Variants in ELP2 observed in about 807,000 individuals in gnomAD.
ELP2 encodes elongator complex protein 2.
Under a neutral mutation model 119.2 loss-of-function variants are expected in ELP2, and 90 were observed. The observed-to-expected ratio is 0.75, with a 90% CI of 0.64 to 0.90. The LOEUF (loss-of-function observed/expected upper bound fraction) is 0.90. Ranked by LOEUF, ELP2 falls within the 40% of genes least tolerant of loss-of-function variation. The pLI, the probability that ELP2 is intolerant of heterozygous loss-of-function variation, is 0.00. For missense variants in ELP2, 921 were observed against 967.8 expected (o/e 0.95, Z 0.64); for synonymous variants, 339 against 331.0 (o/e 1.02, Z -0.26).
chr18:36,146,116 A>T, intron 10 of ELP2, 68 bp downstream of exon 10: 1 of 1,575,248 alleles, frequency 6.3e-7, no homozygotes, highest in Non-Finnish European at 8.7e-7. Flanking sequence ...TCCCAAGTCT[A>T]TATTGATAGA....
At chr18:36,169,442 A>C (rs1481500071) in intron 19 of ELP2, among the ~76,000 whole-genome samples, 1 of 149,584 alleles carries the variant, frequency 6.7e-6, no homozygotes, top group Non-Finnish European at 1.5e-5. Context: ...GCTGGAGTGC[A>C]GTGGCACGAT....
At chr18:36,148,564 A>T (rs1290496126) in intron 11 of ELP2, among the ~76,000 whole-genome samples, 1 of 152,178 alleles carries the variant, frequency 6.6e-6, no homozygotes, top group Admixed American at 6.5e-5. Flanking sequence ...GATCCTTTAC[A>T]TCAAAAAATA....
intron 2 of ELP2, among the ~76,000 whole-genome samples, chr18:36,133,911 T>G (rs1433946403): frequency 3.7e-4 from 47 of 128,500 alleles, no homozygotes; most frequent in Non-Finnish European, 5.2e-4. Flanking sequence ...TTTTTTTTTT[T>G]TTTTTTTTTT....
At chr18:36,142,164 A>G in intron 6 of ELP2, 117 bp from the exon 7 acceptor site, 2 of 835,198 alleles carry the variant, frequency 2.4e-6, no homozygotes, top group South Asian at 1.4e-5. Context: ...TGTCTAATCA[A>G]ATAGTGTTCT....
At chr18:36,142,496 T>G in intron 7 of ELP2, 149 bp downstream of exon 7, 4 of 711,496 alleles carry the variant, frequency 5.6e-6, no homozygotes, top group Non-Finnish European at 7.4e-6. Flanking sequence ...GCTTATCTCT[T>G]CTGTTGTTAG....
intron 19 of ELP2, 197 bp from the exon 20 acceptor site, chr18:36,169,866 G>A (rs187358255): frequency 1.7e-5 from 11 of 658,648 alleles, no homozygotes; most frequent in African/African-American, 7.1e-5. Context: ...TCTCGGAGAC[G>A]CATGTCTGCT....
chr18:36,138,750 C>A, intron 4 of ELP2, 45 bp from the exon 5 acceptor site: 1 of 1,482,226 alleles, frequency 6.7e-7, no homozygotes, highest in Non-Finnish European at 9.4e-7. Flanking sequence ...GTTGGATAAG[C>A]TCTGAGGTAG....
Position 36,179,188 on chromosome 18 carries a change from G to GT in ELP2, c.*4548dup, listed in dbSNP as rs140759339. 12,753 of 151,684 alleles carry GT rather than the reference G, an allele frequency of 0.084. 631 individuals carry two copies. The highest frequency in any genetic ancestry group is 0.14 in the East Asian group (717 of 5,120). The allele number at this position is 151,684 out of a possible 1,614,324, so 9.4% of individuals were successfully genotyped here. A position where few individuals can be genotyped will look rare whatever the true frequency, so the allele number is the denominator to read the frequency against. On this transcript the variant is annotated 3_prime_UTR_variant, in exon 22 of 22. Transcript: ENST00000358232. The stretch of plus-strand genomic sequence containing the variant: ...CAGAGATCTGGGACCCGGGCCGGGC[G>GT]TGGTGGCTCATGCCTGTAATCCCAG...
At chr18:36,150,026 T>C (rs926236094) in intron 11 of ELP2, among the ~76,000 whole-genome samples, 1 of 152,168 alleles carries the variant, frequency 6.6e-6, no homozygotes, top group Non-Finnish European at 1.5e-5. Context: ...GTTGAGCATT[T>C]TCATCTTTCA....
At chr18:36,155,678 A>G (rs2090551238) in intron 12 of ELP2, among the ~76,000 whole-genome samples, 1 of 152,188 alleles carries the variant, frequency 6.6e-6, no homozygotes, top group Non-Finnish European at 1.5e-5. Flanking sequence ...AACTAAGACT[A>G]CAGGTGTGAG....
At chr18:36,160,862 C>T in intron 16 of ELP2, 70 bp from the exon 17 acceptor site, 1 of 1,035,510 alleles carries the variant, frequency 9.7e-7, no homozygotes, top group South Asian at 1.3e-5. Context: ...ATTCTTTTTA[C>T]TTTCAAAAAT....
At chr18:36,165,089 AT>A (rs955122371) in intron 18 of ELP2, 1 of 203,808 alleles carries the variant, frequency 4.9e-6, no homozygotes, top group Admixed American at 5.4e-5. Flanking sequence ...TCTCTGAACT[AT>A]TTTATTAATA....
intron 21 of ELP2, 57 bp downstream of exon 21, chr18:36,171,217 A>G (rs919927192): frequency 7.9e-7 from 1 of 1,261,922 alleles, no homozygotes. Flanking sequence ...GGGGTCTTTC[A>G]TGGCAAATTT....
intron 2 of ELP2, among the ~76,000 whole-genome samples, chr18:36,133,912 TTTTTTTTTTTTTTTTG>T (rs2089732266): frequency 7.7e-6 from 1 of 129,230 alleles, no homozygotes; most frequent in African/African-American, 3.0e-5. Context: ...TTTTTTTTTT[TTTTTTTTTTTTTTTTG>T]AGATGGAGTC....
intron 12 of ELP2, 95 bp downstream of exon 12, chr18:36,155,094 C>A (rs931738224): frequency 1.9e-6 from 2 of 1,028,516 alleles, no homozygotes; most frequent in African/African-American, 1.6e-5. Flanking sequence ...CTCACTGCAG[C>A]CTCCGCCACC....
chr18:36,173,565 A>T (rs576766980), intron 21 of ELP2, among the ~76,000 whole-genome samples: 45 of 152,372 alleles, frequency 3.0e-4, no homozygotes, highest in South Asian at 1.0e-3. Context: ...CAGTTGAGGC[A>T]CAGCAGTCAG....
intron 19 of ELP2, among the ~76,000 whole-genome samples, chr18:36,168,627 G>A (rs1196106308): frequency 6.6e-6 from 1 of 152,112 alleles, no homozygotes; most frequent in Non-Finnish European, 1.5e-5. Flanking sequence ...CCGCCCCCAT[G>A]ATCCTATTAC....
chr18:36,138,372 G>GT lies in ELP2; in HGVS notation c.394dup (p.Ser132PhefsTer13). ...AGATCCTGCATTATGTACACTGATCGTTTCTGCAGCTGCAGATTCTGCTGT... is the reference window on the plus strand; with the variant it reads ...AGATCCTGCATTATGTACACTGATCGTTTTCTGCAGCTGCAGATTCTGCTGT... On this transcript the variant is annotated frameshift_variant, in exon 4 of 22. Coordinates refer to ENST00000358232, the MANE Select transcript of ELP2 (RefSeq NM_018255.4). LOFTEE classifies it high-confidence loss of function. The GT allele has an allele frequency of 1.2e-6, 2 of 1,614,062 alleles. No individual in the cohort carries two copies. Among genetic ancestry groups the GT allele is most frequent in the Non-Finnish European group, 1.7e-6 (2 of 1,179,992 alleles).
chr18:36,141,373 A>G (rs2090023113), intron 6 of ELP2, 172 bp downstream of exon 6: 2 of 632,246 alleles, frequency 3.2e-6, no homozygotes, highest in South Asian at 1.7e-5. Flanking sequence ...TCTGAACACC[A>G]AGTAACCGCT....
Sources: allele counts gnomAD v4.1 joint callset (sites outside exome capture counted in the v4.1 genomes callset), GRCh38; gene constraint gnomAD v4.1.1; transcripts MANE v1.5; gene names NCBI Gene and HGNC (gene_info 2026-07-23, HGNC 2026-07-21).